Variants in ZMIZ1 observed in about 807,000 individuals in gnomAD.
The protein encoded by ZMIZ1 is zinc finger MIZ-type containing 1, also known as zinc finger MIZ domain-containing protein 1.
A neutral mutation model predicts 113.9 loss-of-function variants in ZMIZ1; 17 were observed. That is an observed-to-expected ratio of 0.15 (90% CI 0.10 to 0.22). ZMIZ1 has a LOEUF of 0.22. Ranked by LOEUF, ZMIZ1 falls within the 10% of genes least tolerant of loss-of-function variation. ZMIZ1 has a pLI of 1.00. For synonymous variants in ZMIZ1, 607 were observed against 603.1 expected, an observed-to-expected ratio of 1.01 and a Z score of -0.09; for missense variants, 1,059 against 1,477.8, an observed-to-expected ratio of 0.72 and a Z score of 4.65.
At chr10:79,250,350 T>G (rs1303999645) in intron 7 of ZMIZ1, among the ~76,000 whole-genome samples, 1 of 152,238 alleles carries the variant, frequency 6.6e-6, no homozygotes, top group Non-Finnish European at 1.5e-5. Context: ...TCTGGGGGCT[T>G]ATCCCTCCTT....
chr10:79,103,995 A>G (rs1001113712), intron 1 of ZMIZ1, among the ~76,000 whole-genome samples: 10 of 152,198 alleles, frequency 6.6e-5, no homozygotes, highest in African/African-American at 2.4e-4. Flanking sequence ...ACTTCTTACT[A>G]TGAACTAGCA....
intron 7 of ZMIZ1, among the ~76,000 whole-genome samples, chr10:79,219,320 G>A (rs924612217): frequency 7.2e-5 from 11 of 152,194 alleles, no homozygotes; most frequent in Non-Finnish European, 1.3e-4. Flanking sequence ...GGCACGTGCT[G>A]GGTGTTCTCA....
intron 4 of ZMIZ1, among the ~76,000 whole-genome samples, chr10:79,164,921 G>A (rs779206883): frequency 1.6e-4 from 25 of 152,158 alleles, no homozygotes; most frequent in Non-Finnish European, 3.5e-4. Flanking sequence ...AAAGGTCCCA[G>A]GGGAGGACTG....
rs1327760762 is a variant in ZMIZ1 at position 79,296,680 on chromosome 10, C to T, written c.1413+27C>T. On this transcript the variant is annotated intron_variant, in intron 13 of 24. Transcript: ENST00000334512. This position sits in a 1 kb window ranked among gnomAD's most constrained non-coding sequence, Gnocchi z 4.1. ...TGAGTCCCAGCCTCGCCACCACCCA[C>T]GGGGCCCCTTCCCTCCTAACCACCT... 6 of 1,522,368 alleles carry T rather than the reference C, an allele frequency of 3.9e-6. No homozygotes were observed. The highest frequency in any genetic ancestry group is 1.4e-5 in the African/African-American group (1 of 72,094). 94.3% of individuals were successfully genotyped at this position (1,522,368 alleles called of 1,614,324 possible).
intron 1 of ZMIZ1, among the ~76,000 whole-genome samples, chr10:79,104,298 G>T (rs1438372996): frequency 6.6e-6 from 1 of 152,204 alleles, no homozygotes; most frequent in African/African-American, 2.4e-5. Context: ...GAGTCACCTT[G>T]CAGGATCTTG....
In ZMIZ1 at chr10:79,277,259, C is replaced by T; in HGVS notation, c.359C>T (p.Pro120Leu). ...CAGAAGAGCCGCCAGAGCGATCCCCCTGGGAAACTCCCCATGCAGCCCCCT... is the reference window on the plus strand; with the variant it reads ...CAGAAGAGCCGCCAGAGCGATCCCCTTGGGAAACTCCCCATGCAGCCCCCT... ...RHQKSRQSDP[P>L]GKLPMQPPLS... Residue 120 changes from proline to leucine, a missense_variant, in exon 8 of 25, where the codon CCT becomes CTT. Coordinates refer to ENST00000334512, the MANE Select transcript of ZMIZ1 (RefSeq NM_020338.4). 6.3e-7 allele frequency: 1 copy of T among 1,598,176 alleles called. No homozygotes were observed. Among genetic ancestry groups the T allele is most frequent in the Non-Finnish European group, 8.5e-7 (1 of 1,173,178 alleles).
intron 3 of ZMIZ1, among the ~76,000 whole-genome samples, chr10:79,156,848 C>G (rs1220057304): frequency 6.6e-6 from 1 of 152,220 alleles, no homozygotes; most frequent in Admixed American, 6.5e-5. Flanking sequence ...AGAGGATATG[C>G]AGTTCTCCCA....
chr10:79,238,315 A>C (rs1302443130), intron 7 of ZMIZ1, among the ~76,000 whole-genome samples: 1 of 152,138 alleles, frequency 6.6e-6, no homozygotes. Flanking sequence ...GTGGAAGCCA[A>C]ATGCAGACTT....
chr10:79,176,687 GGATCTAGAC>G (rs1846883329), intron 4 of ZMIZ1, among the ~76,000 whole-genome samples: 1 of 150,122 alleles, frequency 6.7e-6, no homozygotes, highest in Non-Finnish European at 1.5e-5. Flanking sequence ...GGAGGTTGCA[GGATCTAGAC>G]TGGGAGAGGT....
In ZMIZ1 at chr10:79,300,929, C is replaced by T; in HGVS notation, c.2006C>T (p.Thr669Met). The change falls in exon 17 of 25, where the codon ACG becomes ATG. Residue 669 changes from threonine (T) to methionine (M), a missense_variant. Thr to Met is a moderately conservative substitution (Grantham distance 81, BLOSUM62 -1). Coordinates refer to ENST00000334512, the MANE Select transcript of ZMIZ1 (RefSeq NM_020338.4). Reference protein sequence around the residue: ...PGRNTIQITVTACCCSHLFVL... With the variant: ...PGRNTIQITVMACCCSHLFVL... ...CGCAACACCATCCAGATCACCGTCA[C>T]GGCCTGCTGCTGCGTGAGTGTGGTG... 1.9e-6 allele frequency: 3 copies of T among 1,610,504 alleles called. No homozygotes were observed. Among genetic ancestry groups the T allele is most frequent in the South Asian group, 1.1e-5 (1 of 91,068 alleles).
At chr10:79,152,722 C>T (rs1301483190) in intron 3 of ZMIZ1, among the ~76,000 whole-genome samples, 1 of 152,208 alleles carries the variant, frequency 6.6e-6, no homozygotes, top group Non-Finnish European at 1.5e-5. Context: ...TAATACTGGG[C>T]AAGTGAATTC....
At chr10:79,081,367 C>T (rs1229732181) in intron 1 of ZMIZ1, among the ~76,000 whole-genome samples, 1 of 152,168 alleles carries the variant, frequency 6.6e-6, no homozygotes, top group African/African-American at 2.4e-5. Context: ...AGCTTGGAGA[C>T]CTGAGACCTG....
At chr10:79,188,145 A>C (rs900579315) in intron 4 of ZMIZ1, among the ~76,000 whole-genome samples, 3 of 152,196 alleles carry the variant, frequency 2.0e-5, no homozygotes, top group African/African-American at 4.8e-5. Context: ...TCTTGTTACT[A>C]TTCAGAATTA....
chr10:79,218,277 C>T (rs1419678952), intron 7 of ZMIZ1, among the ~76,000 whole-genome samples: 2 of 152,142 alleles, frequency 1.3e-5, no homozygotes, highest in Non-Finnish European at 2.9e-5. Flanking sequence ...AGTTCGAGAC[C>T]AGCCTGGGTA....
chr10:79,275,532 G>A (rs975996820), intron 7 of ZMIZ1, among the ~76,000 whole-genome samples: 12 of 152,326 alleles, frequency 7.9e-5, no homozygotes, highest in African/African-American at 2.4e-4. Flanking sequence ...GGATCTGGGC[G>A]GCTTGGGATG....
chr10:79,092,785 G>A (rs553193721), intron 1 of ZMIZ1, among the ~76,000 whole-genome samples: 4 of 152,288 alleles, frequency 2.6e-5, no homozygotes, highest in Admixed American at 6.5e-5. Context: ...AGTGATGCTC[G>A]TGGCTCTTTG....
intron 8 of ZMIZ1, 129 bp from the exon 9 acceptor site, chr10:79,289,646 G>T: frequency 1.3e-6 from 1 of 781,126 alleles, no homozygotes; most frequent in Non-Finnish European, 2.1e-6. Flanking sequence ...GGGGGGTCCA[G>T]TACCGACTCG....
Position 79,296,213 on chromosome 10 carries a change from G to A in ZMIZ1, c.1231-258G>A. ...ATGGTGTGAGCAAGAGGCTCTGAAA[G>A]TGTCCCTGGAGTTCAGGGGCACATG... On this transcript the variant is annotated intron_variant, in intron 12 of 24. Coordinates refer to ENST00000334512, the MANE Select transcript of ZMIZ1 (RefSeq NM_020338.4). The surrounding 1 kb of genome is among the most constrained non-coding windows in gnomAD (Gnocchi z 4.1). 1.8e-6 allele frequency: 1 copy of A among 551,458 alleles called. No individual in the cohort carries two copies. The highest frequency in any genetic ancestry group is 3.2e-6 in the Non-Finnish European group (1 of 308,274). The allele number at this position is 551,458 out of a possible 1,614,324, so 34.2% of individuals were successfully genotyped here. A position where few individuals can be genotyped will look rare whatever the true frequency, so the allele number is the denominator to read the frequency against.
chr10:79,289,796 C>T lies in ZMIZ1; in HGVS notation c.447C>T (p.Asp149=). Residue 149 remains aspartate (D), a synonymous_variant, in exon 9 of 25, where the codon GAC becomes GAT. Coordinates refer to ENST00000334512, the MANE Select transcript of ZMIZ1 (RefSeq NM_020338.4). The stretch of plus-strand genomic sequence containing the variant: ...GCAGTGATGGGTCGTTCCCCTATGA[C>T]TCTGTCCCTTGGCAGCAGAACACCA... ...LSHSDGSFPY[D]SVPWQQNTNQ... The T allele has an allele frequency of 6.2e-7, 1 of 1,614,052 alleles. No individual in the cohort carries two copies. Among genetic ancestry groups the T allele is most frequent in the South Asian group, 1.1e-5 (1 of 91,084 alleles).
Sources: allele counts gnomAD v4.1 joint callset (sites outside exome capture counted in the v4.1 genomes callset), GRCh38; gene constraint gnomAD v4.1.1; non-coding constraint Gnocchi (gnomAD v3.1); transcripts MANE v1.5; gene names NCBI Gene and HGNC (gene_info 2026-07-23, HGNC 2026-07-21).